Variants in TBC1D2B observed in about 807,000 individuals in gnomAD.
The protein encoded by TBC1D2B is TBC1 domain family, member 2B.
TBC1D2B carries 64 observed loss-of-function variants against 100.8 expected under a neutral mutation model. The observed-to-expected ratio is 0.64, with a 90% CI of 0.52 to 0.78. TBC1D2B has a LOEUF of 0.78. Ranked by LOEUF, TBC1D2B falls within the 30% of genes least tolerant of loss-of-function variation. The pLI is 0.00. For synonymous variants in TBC1D2B, 480 were observed against 479.7 expected, an observed-to-expected ratio of 1.00 and a Z score of -0.01; for missense variants, 1,052 against 1,218.4, an observed-to-expected ratio of 0.86 and a Z score of 2.03.
rs552064719 is a variant in TBC1D2B, at chr15:78,076,229, T to C, written c.360+1064A>G. On this transcript the variant is annotated intron_variant, in intron 1 of 12. Transcript: ENST00000300584. The stretch of plus-strand genomic sequence containing the variant: ...TGACTCTACTCTCCTGCTTCTACAC[T>C]GTATCTCTCATTTTGTCTGTCCACT... Among the ~76,000 whole-genome samples the C allele has an allele frequency of 2.2e-3, 340 of 152,290 alleles. 2 individuals are homozygous for C. Among genetic ancestry groups the C allele is most frequent in the Non-Finnish European group, 3.5e-3 (238 of 68,016 alleles).
intron 9 of TBC1D2B, among the ~76,000 whole-genome samples, chr15:78,010,488 A>G (rs1364103659): frequency 2.0e-5 from 3 of 152,166 alleles, no homozygotes; most frequent in African/African-American, 7.2e-5. Flanking sequence ...ACTATAATGA[A>G]CTCATCTCAA....
chr15:78,049,729 T>G (rs1402368479), intron 2 of TBC1D2B, among the ~76,000 whole-genome samples: 1 of 151,798 alleles, frequency 6.6e-6, no homozygotes, highest in Non-Finnish European at 1.5e-5. Context: ...CCACATAGAC[T>G]CCTTTCCAAC....
chr15:78,029,138 G>A (rs1439331017), intron 4 of TBC1D2B, among the ~76,000 whole-genome samples: 1 of 151,366 alleles, frequency 6.6e-6, no homozygotes, highest in East Asian at 1.9e-4. Flanking sequence ...CTCACTGCAA[G>A]CTCTACCTCC....
intron 9 of TBC1D2B, among the ~76,000 whole-genome samples, chr15:78,011,645 G>T (rs75514846): frequency 0.13 from 822 of 6,170 alleles, 327 homozygotes; most frequent in Non-Finnish European, 0.15. Context: ...TAATTTTTTG[G>T]TTTTTTTTTT....
At chr15:78,057,805 A>T (rs925125603) in intron 1 of TBC1D2B, among the ~76,000 whole-genome samples, 1 of 152,250 alleles carries the variant, frequency 6.6e-6, no homozygotes, top group African/African-American at 2.4e-5. Flanking sequence ...AAACCCAAAG[A>T]CAGAAACACA....
chr15:78,010,071 T>C (rs1462175273), intron 9 of TBC1D2B, among the ~76,000 whole-genome samples: 1 of 151,828 alleles, frequency 6.6e-6, no homozygotes, highest in African/African-American at 2.4e-5. Context: ...AAATTCCAGA[T>C]GTGAATGTAA....
At chr15:78,050,781 C>A (rs2073297559) in intron 2 of TBC1D2B, among the ~76,000 whole-genome samples, 1 of 152,198 alleles carries the variant, frequency 6.6e-6, no homozygotes, top group African/African-American at 2.4e-5. Context: ...ACAGGAAAGT[C>A]TCTTACTCAA....
intron 4 of TBC1D2B, among the ~76,000 whole-genome samples, chr15:78,027,691 C>T (rs2072706162): frequency 6.6e-6 from 1 of 152,258 alleles, no homozygotes; most frequent in Admixed American, 6.5e-5. Context: ...ACTCCCGATT[C>T]TTCCTCCCCA....
chr15:78,077,151 T>C, intron 1 of TBC1D2B, 142 bp downstream of exon 1: 2 of 1,129,888 alleles, frequency 1.8e-6, no homozygotes, highest in Non-Finnish European at 2.4e-6. Flanking sequence ...GAGGGCGGGA[T>C]GTGGAGAAGC....
intron 4 of TBC1D2B, chr15:78,025,768 C>T (rs2072650021): frequency 5.1e-6 from 1 of 195,688 alleles, no homozygotes; most frequent in Non-Finnish European, 1.0e-5. Flanking sequence ...CGTTGTGATC[C>T]TTCCTCCTCG....
chr15:78,000,109 A>G (rs1319201552), intron 12 of TBC1D2B, among the ~76,000 whole-genome samples: 2 of 152,212 alleles, frequency 1.3e-5, no homozygotes, highest in African/African-American at 4.8e-5. Flanking sequence ...TGCAGTCTTG[A>G]TAACAGCGGG....
At chr15:78,005,805 C>T (rs1402209185) in intron 10 of TBC1D2B, among the ~76,000 whole-genome samples, 1 of 152,178 alleles carries the variant, frequency 6.6e-6, no homozygotes, top group African/African-American at 2.4e-5. Context: ...GTTTAGTGAT[C>T]ATCTATTACT....
intron 1 of TBC1D2B, among the ~76,000 whole-genome samples, chr15:78,059,162 A>G (rs1426202815): frequency 6.6e-6 from 1 of 152,248 alleles, no homozygotes; most frequent in African/African-American, 2.4e-5. Flanking sequence ...TAGGGAGCTC[A>G]GAGAATCTTG....
chr15:78,007,072 T>G (rs1302482605), intron 10 of TBC1D2B, among the ~76,000 whole-genome samples: 1 of 152,188 alleles, frequency 6.6e-6, no homozygotes, highest in Non-Finnish European at 1.5e-5. Context: ...ATGGCCTGTG[T>G]GCTAAGGCTG....
intron 1 of TBC1D2B, among the ~76,000 whole-genome samples, chr15:78,067,019 C>A (rs2073669295): frequency 6.6e-6 from 1 of 152,202 alleles, no homozygotes; most frequent in South Asian, 2.1e-4. Flanking sequence ...CAATTTGAGT[C>A]TCCATATACA....
intron 1 of TBC1D2B, among the ~76,000 whole-genome samples, chr15:78,061,045 A>T (rs2073533444): frequency 6.7e-6 from 1 of 150,100 alleles, no homozygotes; most frequent in Non-Finnish European, 1.5e-5. Context: ...CCGGAGTTCA[A>T]GATCAGCCTG....
At position 78,016,194 on chromosome 15, in the gene TBC1D2B, T is replaced by G. The variant is rs551503286; in HGVS notation, c.1775+352A>C. On this transcript the variant is annotated intron_variant, in intron 8 of 12. Transcript: ENST00000300584. ...TGTGTGTGTAAGCTCAGTTCCCCAC[T>G]TAAGGGTCCCTTTGTTTTGAACCAC... Among the ~76,000 whole-genome samples the G allele has an allele frequency of 8.3e-4, 127 of 152,286 alleles. 1 individual carries two copies. The highest frequency in any genetic ancestry group is 2.6e-3 in the African/African-American group (110 of 41,560).
chr15:78,000,846 C>T (rs2071892824), intron 12 of TBC1D2B, among the ~76,000 whole-genome samples: 1 of 152,226 alleles, frequency 6.6e-6, no homozygotes, highest in Non-Finnish European at 1.5e-5. Flanking sequence ...TCCTCCCTCC[C>T]TCTCTTCAAT....
chr15:78,070,451 C>A (rs955174519), intron 1 of TBC1D2B, among the ~76,000 whole-genome samples: 1 of 152,206 alleles, frequency 6.6e-6, no homozygotes, highest in South Asian at 2.1e-4. Context: ...CTGTCCCCCC[C>A]ACCTACTGAA....
Sources: gnomAD v4.1 joint callset for allele counts (sites outside exome capture counted in the v4.1 genomes callset) on GRCh38, gnomAD v4.1.1 for gene constraint, MANE v1.5 for transcripts, NCBI Gene and HGNC (gene_info 2026-07-23, HGNC 2026-07-21) for gene names.